Variants in MAPKAPK5 observed in about 807,000 individuals in gnomAD.
MAPKAPK5 encodes MAPK activated protein kinase 5.
Under a neutral mutation model 65.1 loss-of-function variants are expected in MAPKAPK5, and 30 were observed. The ratio of observed to expected loss-of-function variants is 0.46; its 90% CI spans 0.34 to 0.63. The LOEUF is 0.63. MAPKAPK5 is among the 20% of genes least tolerant of loss of function. The pLI, the probability that MAPKAPK5 is intolerant of heterozygous loss-of-function variation, is 0.01. For missense variants in MAPKAPK5, 433 were observed against 581.4 expected, an observed-to-expected ratio of 0.74 and a Z score of 2.63; for synonymous variants, 179 against 204.6, an observed-to-expected ratio of 0.87 and a Z score of 1.07.
chr12:111,877,297 G>C (rs913392714), intron 7 of MAPKAPK5, among the ~76,000 whole-genome samples: 2 of 151,582 alleles, frequency 1.3e-5, no homozygotes, highest in Non-Finnish European at 2.9e-5. Context: ...GGGATTACAG[G>C]TGTGAGCCAC....
chr12:111,875,282 C>T (rs2069924775), intron 7 of MAPKAPK5, among the ~76,000 whole-genome samples: 2 of 152,000 alleles, frequency 1.3e-5, no homozygotes, highest in South Asian at 4.1e-4. Flanking sequence ...AAAAGTTGAG[C>T]TGAGTGTGAG....
intron 8 of MAPKAPK5, chr12:111,882,687 T>C (rs184014517): frequency 2.1e-6 from 1 of 485,172 alleles, no homozygotes; most frequent in Non-Finnish European, 2.7e-6. Context: ...TTTTCTTTTT[T>C]TCACAGTATC....
chr12:111,869,441 C>G (rs986842033), intron 5 of MAPKAPK5, among the ~76,000 whole-genome samples: 3 of 152,106 alleles, frequency 2.0e-5, no homozygotes, highest in Non-Finnish European at 2.9e-5. Context: ...TCACTTCTTG[C>G]AGAGGTGAAA....
intron 1 of MAPKAPK5, among the ~76,000 whole-genome samples, chr12:111,855,780 T>C (rs1043238002): frequency 1.3e-5 from 2 of 151,544 alleles, no homozygotes; most frequent in Admixed American, 6.6e-5. Context: ...TGAGCCAAGA[T>C]TGCGCCACTG....
rs1055565641 is a variant in MAPKAPK5, at chr12:111,894,027, C to T, written c.*966C>T. On this transcript the variant is annotated 3_prime_UTR_variant, in exon 14 of 14. Transcript: ENST00000550735. Reference sequence around the variant, plus strand: ...CACTGTGCCCGGCCTTGGGTTTATTCTTTCTTTATATGTTTGTTTGTTTGT... The same window carrying T: ...CACTGTGCCCGGCCTTGGGTTTATTTTTTCTTTATATGTTTGTTTGTTTGT... 1 of 157,364 alleles carries T rather than the reference C, an allele frequency of 6.4e-6. No homozygotes were observed. The highest frequency in any genetic ancestry group is 2.4e-5 in the African/African-American group (1 of 41,132). The allele number at this position is 157,364 out of a possible 1,614,324, so 9.7% of individuals were successfully genotyped here.
chr12:111,896,250 T>TC lies in MAPKAPK5; in HGVS notation c.*3192dup, dbSNP rs951053362. ...ATGGAAAAGGTATCCAAAGTGATAC[T>TC]CCCTTTGACTCTGAGCATCAGTTGC... On this transcript the variant is annotated 3_prime_UTR_variant, in exon 14 of 14. Transcript: ENST00000550735. The TC allele has an allele frequency of 6.6e-6, 1 of 152,174 alleles. No individual in the cohort carries two copies. Among genetic ancestry groups the TC allele is most frequent in the African/African-American group, 2.4e-5 (1 of 41,452 alleles). 9.4% of individuals were successfully genotyped at this position (152,174 alleles called of 1,614,324 possible). A position where few individuals can be genotyped will look rare whatever the true frequency, so the allele number is the denominator to read the frequency against.
chr12:111,871,102 G>A lies in MAPKAPK5; in HGVS notation c.501G>A (p.Leu167=), dbSNP rs371243208. ...AATTTCAGGATGCCCCAGTGAAGTTGTGTGACTTTGGATTTGCCAAGATTG... is the reference window on the plus strand; with the variant it reads ...AATTTCAGGATGCCCCAGTGAAGTTATGTGACTTTGGATTTGCCAAGATTG... ...KDNSLDAPVK[L]CDFGFAKIDQ... is the part of the protein sequence containing the mutation. Residue 167 remains leucine, a synonymous_variant, in exon 7 of 14, where the codon TTG becomes TTA. Transcript: ENST00000550735. 1.4e-5 allele frequency: 22 copies of A among 1,613,130 alleles called. No individual in the cohort carries two copies. Among genetic ancestry groups the A allele is most frequent in the Non-Finnish European group, 1.7e-5 (20 of 1,179,568 alleles).
Position 111,901,616 on chromosome 12 carries a change from G to T in MAPKAPK5, c.*8555G>T, listed in dbSNP as rs1021258789. 8 of 292,002 alleles carry T rather than the reference G, an allele frequency of 2.7e-5. No homozygotes were observed. The highest frequency in any genetic ancestry group is 1.8e-4 in the African/African-American group (8 of 44,688). 18.1% of individuals were successfully genotyped at this position (292,002 alleles called of 1,614,324 possible). ...GGCCCCAGAAATAAAGCCAGAAGCA[G>T]CAGAAGTGGCCACAGAAGAAAAAGA... On this transcript the variant is annotated 3_prime_UTR_variant, in exon 14 of 14. Coordinates refer to ENST00000550735, the MANE Select transcript of MAPKAPK5 (RefSeq NM_003668.4).
chr12:111,848,929 A>AT (rs1190645291), intron 1 of MAPKAPK5, among the ~76,000 whole-genome samples: 1 of 150,950 alleles, frequency 6.6e-6, no homozygotes, highest in African/African-American at 2.4e-5. Context: ...TTTTTTATTT[A>AT]TTTTTTGTAT....
At position 111,901,367 on chromosome 12, in the gene MAPKAPK5, G is replaced by A. The variant is rs1282456245; in HGVS notation, c.*8306G>A. 1 of 456,024 alleles carries A rather than the reference G, an allele frequency of 2.2e-6. No homozygotes were observed. Among genetic ancestry groups the A allele is most frequent in the South Asian group, 1.5e-5 (1 of 64,560 alleles). The allele number at this position is 456,024 out of a possible 1,614,324, so 28.2% of individuals were successfully genotyped here. On this transcript the variant is annotated 3_prime_UTR_variant, in exon 14 of 14. Coordinates refer to ENST00000550735, the MANE Select transcript of MAPKAPK5 (RefSeq NM_003668.4). ...TTACTGCAGGAAGTGGAGGTAGTGT[G>A]GACAGTGGCCCTCCTGGTAAGCTAG...
At chr12:111,856,182 G>C (rs1309541048) in intron 1 of MAPKAPK5, among the ~76,000 whole-genome samples, 1 of 152,002 alleles carries the variant, frequency 6.6e-6, no homozygotes, top group East Asian at 1.9e-4. Context: ...AATATGTATG[G>C]ATTTCCCAAC....
intron 7 of MAPKAPK5, among the ~76,000 whole-genome samples, chr12:111,878,442 G>C (rs1004609949): frequency 2.0e-5 from 3 of 148,550 alleles, no homozygotes; most frequent in African/African-American, 4.9e-5. Context: ...TTTATTTTGA[G>C]ACGGAGTCTC....
intron 12 of MAPKAPK5, 57 bp from the exon 13 acceptor site, chr12:111,889,983 C>T: frequency 8.8e-7 from 1 of 1,131,396 alleles, no homozygotes; most frequent in South Asian, 1.3e-5. Flanking sequence ...ATCTCTCACA[C>T]TAAAACCCCA....
At chr12:111,868,700 T>C (rs1354335129) in intron 4 of MAPKAPK5, 53 bp from the exon 5 acceptor site, 9 of 1,382,242 alleles carry the variant, frequency 6.5e-6, no homozygotes, top group Non-Finnish European at 8.8e-6. Context: ...GGTTTTTTGT[T>C]TCTTTTTCTT....
At position 111,893,618 on chromosome 12, in the gene MAPKAPK5, C is replaced by G. The variant is rs999026850; in HGVS notation, c.*557C>G. 2 of 152,122 alleles carry G rather than the reference C, an allele frequency of 1.3e-5. No homozygotes were observed. Among genetic ancestry groups the G allele is most frequent in the Non-Finnish European group, 2.9e-5 (2 of 68,072 alleles). 9.4% of individuals were successfully genotyped at this position (152,122 alleles called of 1,614,324 possible). Reference sequence around the variant, plus strand: ...CTCATTTCTCCTGCCCCCTAATTCCCAAGAGAAAAGCAGGAACATTTCCTT... The same window carrying G: ...CTCATTTCTCCTGCCCCCTAATTCCGAAGAGAAAAGCAGGAACATTTCCTT... On this transcript the variant is annotated 3_prime_UTR_variant, in exon 14 of 14. Transcript: ENST00000550735.
rs181968219 is a variant in MAPKAPK5, at chr12:111,866,254, A to G, written c.186+23A>G. On this transcript the variant is annotated intron_variant, in intron 3 of 13. Transcript: ENST00000550735. ...GAGGTATGCTTTATTGCCTCGACTTAATTAAATAGTTGAAGTGCCTAAGAA... is the reference window on the plus strand; with the variant it reads ...GAGGTATGCTTTATTGCCTCGACTTGATTAAATAGTTGAAGTGCCTAAGAA... The G allele has an allele frequency of 1.3e-5, 21 of 1,591,732 alleles. No homozygotes were observed. In the Admixed American group the frequency reaches 3.5e-4, roughly 27 times the overall value.
chr12:111,890,417 T>TA (rs1242039474), intron 13 of MAPKAPK5, among the ~76,000 whole-genome samples: 15 of 151,952 alleles, frequency 9.9e-5, no homozygotes, highest in African/African-American at 1.9e-4. Flanking sequence ...ACCACTTGGG[T>TA]AAAAAAAACC....
chr12:111,870,211 C>A, intron 5 of MAPKAPK5, 60 bp from the exon 6 acceptor site: 2 of 1,171,650 alleles, frequency 1.7e-6, no homozygotes, highest in African/African-American at 1.5e-5. Flanking sequence ...TTCTCTACGC[C>A]AGGTGTATTA....
At chr12:111,884,490 C>T (rs61340396) in intron 9 of MAPKAPK5, among the ~76,000 whole-genome samples, 2,353 of 152,294 alleles carry the variant, frequency 0.015, 72 homozygotes, top group African/African-American at 0.053. Flanking sequence ...GGATTACAGG[C>T]GTGAGCCACC....
Sources: gnomAD v4.1 joint callset for allele counts (sites outside exome capture counted in the v4.1 genomes callset) on GRCh38, gnomAD v4.1.1 for gene constraint, MANE v1.5 for transcripts, NCBI Gene and HGNC (gene_info 2026-07-23, HGNC 2026-07-21) for gene names.